The following CHRM3 variants were observed in gnomAD, a reference collection of about 807,000 sequenced individuals.
The protein encoded by CHRM3 is muscarinic acetylcholine receptor M3.
In CHRM3, 11 loss-of-function variants were observed where a neutral mutation model predicts 41.8. The ratio of observed to expected loss-of-function variants is 0.26; its 90% confidence interval spans 0.17 to 0.44. The LOEUF is 0.44. CHRM3 is among the 20% of genes least tolerant of loss of function. CHRM3 has a pLI of 1.00. For synonymous variants in CHRM3, 297 were observed against 301.4 expected (o/e 0.99, Z 0.15); for missense variants, 571 against 745.4 (o/e 0.77, Z 2.72).
intron 6 of CHRM3, among the ~76,000 whole-genome samples, chr1:239,830,916 T>G (rs79387126): frequency 0.027 from 4,141 of 152,166 alleles, 138 homozygotes; most frequent in African/African-American, 0.076. Context: ...GAACACTTAG[T>G]ACCAATGGGC....
intron 1 of CHRM3, among the ~76,000 whole-genome samples, chr1:239,466,088 G>A (rs529962711): frequency 4.6e-5 from 7 of 152,258 alleles, no homozygotes; most frequent in African/African-American, 1.7e-4. Flanking sequence ...CCACCTCCCA[G>A]GTTCAAGTAA....
intron 4 of CHRM3, among the ~76,000 whole-genome samples, chr1:239,673,562 G>T (rs778616507): frequency 1.3e-5 from 2 of 151,954 alleles, no homozygotes; most frequent in African/African-American, 2.4e-5. Context: ...TTCATTCAAC[G>T]TATATTTTAA....
At chr1:239,402,683 T>G (rs1373332363) in intron 1 of CHRM3, among the ~76,000 whole-genome samples, 1 of 152,178 alleles carries the variant, frequency 6.6e-6, no homozygotes, top group Admixed American at 6.5e-5. Flanking sequence ...CCTGAAGTCC[T>G]CAGGAAAATA....
chr1:239,885,614 C>A (rs907079654), intron 6 of CHRM3, among the ~76,000 whole-genome samples: 1 of 152,116 alleles, frequency 6.6e-6, no homozygotes, highest in African/African-American at 2.4e-5. Flanking sequence ...TGTTGCCAAA[C>A]AATGACTTTC....
intron 4 of CHRM3, among the ~76,000 whole-genome samples, chr1:239,636,616 A>G (rs1439497090): frequency 6.6e-6 from 1 of 152,194 alleles, no homozygotes; most frequent in African/African-American, 2.4e-5. Flanking sequence ...TTTCTGTCAC[A>G]TTGACAGCAC....
intron 5 of CHRM3, among the ~76,000 whole-genome samples, chr1:239,786,449 G>A (rs941002239): frequency 6.6e-6 from 1 of 152,148 alleles, no homozygotes; most frequent in Non-Finnish European, 1.5e-5. Context: ...TATAGATAAG[G>A]AAGCTGAGAC....
At chr1:239,587,746 A>C (rs1663575883) in intron 3 of CHRM3, among the ~76,000 whole-genome samples, 1 of 152,204 alleles carries the variant, frequency 6.6e-6, no homozygotes, top group African/African-American at 2.4e-5. Context: ...CAGGAATTAT[A>C]GTCACCATTA....
At chr1:239,679,793 C>G (rs757517814) in intron 5 of CHRM3, among the ~76,000 whole-genome samples, 92 of 152,180 alleles carry the variant, frequency 6.0e-4, no homozygotes, top group Non-Finnish European at 1.0e-3. Context: ...AAAATCAGGA[C>G]AGTTCACATA....
At chr1:239,419,354 G>C (rs568852137) in intron 1 of CHRM3, among the ~76,000 whole-genome samples, 28 of 144,838 alleles carry the variant, frequency 1.9e-4, no homozygotes, top group African/African-American at 7.2e-4. Context: ...CTAACAGGCC[G>C]ACCCAGCCTT....
intron 1 of CHRM3, among the ~76,000 whole-genome samples, chr1:239,407,417 T>TATATATATATATAGAGAGAGAGAG: frequency 1.5e-5 from 2 of 134,214 alleles, no homozygotes; most frequent in South Asian, 4.8e-4. Flanking sequence ...TATATATATA[T>TATATATATATATAGAGAGAGAGAG]AGAGAGAGAG....
rs142053008 is a variant in CHRM3, at chr1:239,563,261, T to C, written c.-313+17512T>C. ...TTTCTCTTAGTTTATATAATCAAAA[T>C]TTGTTTGTTTCTAAGAATAAGGAGA... On this transcript the variant is annotated intron_variant, in intron 3 of 6. Transcript: ENST00000676153. Among the ~76,000 whole-genome samples the C allele has an allele frequency of 2.8e-3, 427 of 151,384 alleles. 2 individuals carry two copies. Among genetic ancestry groups the C allele is most frequent in the African/African-American group, 9.4e-3 (387 of 41,282 alleles).
chr1:239,791,854 G>A lies in CHRM3; in HGVS notation c.-146-35398G>A, dbSNP rs142906253. On this transcript the variant is annotated intron_variant, in intron 5 of 6. Coordinates refer to ENST00000676153, the MANE Select transcript of CHRM3 (RefSeq NM_001375978.1). ...CAGCTGTGAACATGAGACAGCAATGGGGGCATGTGGCTACCAGAAACACAG... is the reference window on the plus strand; with the variant it reads ...CAGCTGTGAACATGAGACAGCAATGAGGGCATGTGGCTACCAGAAACACAG... 1.1e-4 allele frequency among the ~76,000 whole-genome samples: 17 copies of A among 152,266 alleles called. No individual in the cohort carries two copies. The East Asian group carries it at 3.1e-3, about 28-fold the overall frequency.
At chr1:239,675,213 C>G (rs1383461480) in intron 4 of CHRM3, among the ~76,000 whole-genome samples, 2 of 152,158 alleles carry the variant, frequency 1.3e-5, no homozygotes, top group Non-Finnish European at 2.9e-5. Context: ...GAAGTACATT[C>G]AGAATAAATA....
chr1:239,537,312 A>G (rs1658299257), intron 2 of CHRM3, among the ~76,000 whole-genome samples: 1 of 152,148 alleles, frequency 6.6e-6, no homozygotes, highest in Admixed American at 6.6e-5. Flanking sequence ...TACAGGAAGG[A>G]TAGCACTGGC....
At chr1:239,811,439 C>T (rs1450326521) in intron 5 of CHRM3, among the ~76,000 whole-genome samples, 1 of 152,196 alleles carries the variant, frequency 6.6e-6, no homozygotes, top group Non-Finnish European at 1.5e-5. Context: ...TTCACATCAG[C>T]CTCAGCTGTT....
chr1:239,435,438 G>A (rs1663173807), intron 1 of CHRM3, among the ~76,000 whole-genome samples: 1 of 146,624 alleles, frequency 6.8e-6, no homozygotes, highest in South Asian at 2.2e-4. Context: ...GACAGAGCGA[G>A]ACTCTCTCTC....
At chr1:239,538,702 T>TTTA (rs1233553366) in intron 2 of CHRM3, among the ~76,000 whole-genome samples, 4 of 152,206 alleles carry the variant, frequency 2.6e-5, no homozygotes, top group Non-Finnish European at 5.9e-5. Context: ...GTACAACTGG[T>TTTA]CTTTAAAGTT....
At chr1:239,583,632 T>C (rs910942755) in intron 3 of CHRM3, among the ~76,000 whole-genome samples, 5 of 152,168 alleles carry the variant, frequency 3.3e-5, no homozygotes, top group Non-Finnish European at 5.9e-5. Flanking sequence ...GACTTGCTTT[T>C]CTCTCCCTTT....
At chr1:239,863,635 G>A (rs1011163960) in intron 6 of CHRM3, among the ~76,000 whole-genome samples, 3 of 152,094 alleles carry the variant, frequency 2.0e-5, no homozygotes, top group Admixed American at 2.0e-4. Flanking sequence ...TTCCCAAGAG[G>A]AATTCTACCA....
Sources: gnomAD v4.1 joint callset for allele counts (sites outside exome capture counted in the v4.1 genomes callset) on GRCh38, gnomAD v4.1.1 for gene constraint, MANE v1.5 for transcripts, NCBI Gene and HGNC (gene_info 2026-07-23, HGNC 2026-07-21) for gene names.